The following SNX29 variants were observed in gnomAD, a reference collection of about 807,000 sequenced individuals.
SNX29 encodes the protein sorting nexin-29.
Under a neutral mutation model 102.1 loss-of-function variants are expected in SNX29, and 78 were observed. The observed-to-expected ratio is 0.76, with a 90% CI of 0.64 to 0.92. The LOEUF (loss-of-function observed/expected upper bound fraction) is 0.92, where lower values mean the gene tolerates loss of function less well. SNX29 is among the 40% of genes least tolerant of loss of function. The pLI, the probability that SNX29 is intolerant of heterozygous loss-of-function variation, is 0.00. For synonymous variants in SNX29, 580 were observed against 414.5 expected (o/e 1.40, Z -4.85); for missense variants, 1,280 against 1,061.7 (o/e 1.21, Z -2.86).
At chr16:12,552,060 C>G (rs1024973266) in intron 20 of SNX29, among the ~76,000 whole-genome samples, 3 of 150,672 alleles carry the variant, frequency 2.0e-5, no homozygotes, top group East Asian at 2.0e-4. Flanking sequence ...TTTTGGGGCA[C>G]TGAATCTCTG....
At chr16:12,346,885 G>A (rs1415797976) in intron 15 of SNX29, among the ~76,000 whole-genome samples, 1 of 152,062 alleles carries the variant, frequency 6.6e-6, no homozygotes, top group African/African-American at 2.4e-5. Flanking sequence ...GCTTGCCTGT[G>A]TATATTCTGA....
At chr16:12,557,968 C>T (rs188160988) in intron 20 of SNX29, among the ~76,000 whole-genome samples, 3 of 152,110 alleles carry the variant, frequency 2.0e-5, no homozygotes, top group East Asian at 1.9e-4. Context: ...TCCTGTGGGT[C>T]TTCTGCTTAA....
intron 18 of SNX29, among the ~76,000 whole-genome samples, chr16:12,416,536 C>T (rs7199458): frequency 6.6e-6 from 1 of 152,076 alleles, no homozygotes; most frequent in Non-Finnish European, 1.5e-5. Context: ...CCCCTGAGTT[C>T]GTTTGTTTTG....
chr16:12,294,518 G>T (rs4781203), intron 15 of SNX29, among the ~76,000 whole-genome samples: 122,948 of 152,132 alleles, frequency 0.81, 50,318 homozygotes, highest in African/African-American at 0.94. Context: ...AAGTCCATAG[G>T]CACCCGCCTC....
chr16:12,107,495 C>T (rs913048501), intron 11 of SNX29, among the ~76,000 whole-genome samples: 6 of 151,968 alleles, frequency 3.9e-5, no homozygotes, highest in Admixed American at 6.6e-5. Context: ...GCCGAAACCC[C>T]GTCTCTACTG....
At chr16:12,543,906 A>G (rs1338723266) in intron 20 of SNX29, among the ~76,000 whole-genome samples, 2 of 152,196 alleles carry the variant, frequency 1.3e-5, no homozygotes, top group African/African-American at 4.8e-5. Flanking sequence ...TTCATCCTGG[A>G]TTGCCGAAGG....
chr16:12,387,277 G>A (rs564454940), intron 16 of SNX29, among the ~76,000 whole-genome samples: 2 of 152,228 alleles, frequency 1.3e-5, no homozygotes, highest in South Asian at 2.1e-4. Context: ...TCACACAACC[G>A]AATGGTCCTA....
intron 19 of SNX29, among the ~76,000 whole-genome samples, chr16:12,519,201 C>A (rs1003214809): frequency 6.6e-6 from 1 of 152,192 alleles, no homozygotes; most frequent in Non-Finnish European, 1.5e-5. Flanking sequence ...TCAGGCCATA[C>A]AAAACATACC....
chr16:12,456,748 G>A (rs1338866040), intron 18 of SNX29, among the ~76,000 whole-genome samples: 3 of 152,166 alleles, frequency 2.0e-5, no homozygotes, highest in Non-Finnish European at 2.9e-5. Flanking sequence ...CTGGGGGGAT[G>A]TGTGAAATTG....
chr16:12,396,715 T>C (rs1256385402), intron 16 of SNX29, among the ~76,000 whole-genome samples: 2 of 152,194 alleles, frequency 1.3e-5, no homozygotes, highest in East Asian at 3.8e-4. Flanking sequence ...GAAGGCACCA[T>C]CTCTGACACC....
At chr16:12,265,541 C>G (rs998285179) in intron 14 of SNX29, among the ~76,000 whole-genome samples, 3 of 151,940 alleles carry the variant, frequency 2.0e-5, no homozygotes, top group Non-Finnish European at 4.4e-5. Context: ...AGGGCAGGCT[C>G]TCACTCTTGT....
chr16:11,980,968 T>TC (rs34457489), intron 1 of SNX29, among the ~76,000 whole-genome samples: 13,027 of 151,332 alleles, frequency 0.086, 661 homozygotes, highest in East Asian at 0.24. Context: ...TCATTTTCTT[T>TC]TTTTTTTTTT....
At position 12,570,441 on chromosome 16, in the gene SNX29, T is replaced by C. The variant is rs776114146; in HGVS notation, c.*1812T>C. ...ACTGGCAACTCTAAATAGAGAGCCC[T>C]AATGGACTGAGGCAGGAAACGTCTA... is the stretch of plus-strand genomic sequence containing the variant. On this transcript the variant is annotated 3_prime_UTR_variant, in exon 21 of 21. Transcript: ENST00000566228. 134 of 243,444 alleles carry C rather than the reference T, an allele frequency of 5.5e-4. No homozygotes were observed. The highest frequency in any genetic ancestry group is 8.2e-4 in the Non-Finnish European group (104 of 127,490). The allele number at this position is 243,444 out of a possible 1,614,324, so 15.1% of individuals were successfully genotyped here.
Position 12,572,419 on chromosome 16 carries a change from G to C in SNX29, c.*3790G>C, listed in dbSNP as rs1196169672. The C allele has an allele frequency of 1.9e-6, 2 of 1,063,722 alleles. No individual in the cohort carries two copies. The highest frequency in any genetic ancestry group is 2.3e-6 in the Non-Finnish European group (2 of 878,322). The allele number at this position is 1,063,722 out of a possible 1,614,324, so 65.9% of individuals were successfully genotyped here. ...CCTGAGGCAGGGCTCTGTGGCCCAG[G>C]CCGGCAGTGGCTGCCTCTCTTGGTT... On this transcript the variant is annotated 3_prime_UTR_variant, in exon 21 of 21. Coordinates refer to ENST00000566228, the MANE Select transcript of SNX29 (RefSeq NM_032167.5).
intron 20 of SNX29, among the ~76,000 whole-genome samples, chr16:12,532,993 C>A (rs562835854): frequency 2.0e-5 from 3 of 152,224 alleles, no homozygotes; most frequent in Non-Finnish European, 4.4e-5. Flanking sequence ...GGTGGCATCC[C>A]TGAGCCCCTC....
At chr16:12,078,949 G>C in intron 11 of SNX29, 34 bp downstream of exon 11, 1 of 1,554,802 alleles carries the variant, frequency 6.4e-7, no homozygotes, top group Non-Finnish European at 8.7e-7. Context: ...CACCAGCTCT[G>C]GGATGACTTC....
At chr16:12,456,229 C>T (rs1025294522) in intron 18 of SNX29, among the ~76,000 whole-genome samples, 5 of 152,136 alleles carry the variant, frequency 3.3e-5, no homozygotes, top group South Asian at 2.1e-4. Context: ...GCAGAGCTTA[C>T]GTTCAGTGGA....
chr16:12,062,166 G>C (rs1011250570), intron 9 of SNX29, among the ~76,000 whole-genome samples: 4 of 151,932 alleles, frequency 2.6e-5, no homozygotes, highest in Admixed American at 2.6e-4. Flanking sequence ...ATCACCTGAG[G>C]TCAGGAGTTT....
intron 11 of SNX29, 24 bp downstream of exon 11, chr16:12,078,939 C>T (rs1297353529): frequency 1.3e-6 from 2 of 1,572,310 alleles, no homozygotes; most frequent in Admixed American, 3.7e-5. Flanking sequence ...CAGCCCCCTC[C>T]ACCAGCTCTG....
Sources: allele counts gnomAD v4.1 joint callset (sites outside exome capture counted in the v4.1 genomes callset), GRCh38; gene constraint gnomAD v4.1.1; transcripts MANE v1.5; gene names NCBI Gene and HGNC (gene_info 2026-07-23, HGNC 2026-07-21).